The following RSAD2 variants were observed in gnomAD, a reference collection of about 807,000 sequenced individuals.
RSAD2 encodes the protein S-adenosylmethionine-dependent nucleotide dehydratase RSAD2.
In RSAD2, 38 loss-of-function variants were observed where a neutral mutation model predicts 37.7. The ratio of observed to expected loss-of-function variants is 1.01; its 90% CI spans 0.78 to 1.32. The LOEUF is 1.32. Among genes scored for constraint, RSAD2 ranks in the 40% most tolerant of loss-of-function variants. RSAD2 has a pLI of 0.00. For synonymous variants in RSAD2, 163 were observed against 157.4 expected (o/e 1.04, Z -0.27); for missense variants, 428 against 437.5 (o/e 0.98, Z 0.19).
upstream of RSAD2, among the ~76,000 whole-genome samples, chr2:6,874,186 C>G (rs905892390): frequency 6.6e-6 from 1 of 152,054 alleles, no homozygotes; most frequent in Admixed American, 6.6e-5. Context: ...ATCTTCTCCC[C>G]CTTTTCCTTC....
At chr2:6,886,713 A>G (rs1663528991) in intron 2 of RSAD2, among the ~76,000 whole-genome samples, 1 of 152,244 alleles carries the variant, frequency 6.6e-6, no homozygotes, top group African/African-American at 2.4e-5. Context: ...GAGTTTTCAA[A>G]TAATCAACTA....
intron 5 of RSAD2, among the ~76,000 whole-genome samples, 164 bp from the exon 6 acceptor site, chr2:6,895,614 A>G (rs1298887406): frequency 6.6e-6 from 1 of 152,242 alleles, no homozygotes; most frequent in Non-Finnish European, 1.5e-5. Context: ...GAGCTGGTTG[A>G]GTAGAGAGAT....
upstream of RSAD2, chr2:6,877,083 T>A (rs1663295239): frequency 6.6e-6 from 1 of 152,230 alleles, no homozygotes. Context: ...AAATGATGTG[T>A]CGCAGTAATT....
At chr2:6,866,821 G>GTTT (rs61044752) in intron 1 of RSAD2, among the ~76,000 whole-genome samples, 3 of 149,536 alleles carry the variant, frequency 2.0e-5, no homozygotes, top group Non-Finnish European at 4.5e-5. Context: ...GCTGAAAGCA[G>GTTT]TTTTTTTTTT....
Position 6,883,390 on chromosome 2 carries a change from T to C in RSAD2, c.366T>C (p.Phe122=). ...LKEAGMEKIN[F]SGGEPFLQDR... Reference sequence around the variant, plus strand: ...GCACAGGTATGGAGAAGATCAACTTTTCAGGTGGAGAGCCATTTCTTCAAG... The same window carrying C: ...GCACAGGTATGGAGAAGATCAACTTCTCAGGTGGAGAGCCATTTCTTCAAG... Residue 122 remains phenylalanine, a synonymous_variant, in exon 2 of 6, where the codon TTT becomes TTC. Coordinates refer to ENST00000382040, the MANE Select transcript of RSAD2 (RefSeq NM_080657.5). 2 of 1,614,212 alleles carry C rather than the reference T, an allele frequency of 1.2e-6. No homozygotes were observed. Among genetic ancestry groups the C allele is most frequent in the Non-Finnish European group, 1.7e-6 (2 of 1,180,044 alleles).
At chr2:6,885,366 A>C (rs921426566) in intron 2 of RSAD2, among the ~76,000 whole-genome samples, 2 of 152,216 alleles carry the variant, frequency 1.3e-5, no homozygotes, top group African/African-American at 4.8e-5. Flanking sequence ...ATTGGAACTG[A>C]AACTCAGGAC....
intron 1 of RSAD2, among the ~76,000 whole-genome samples, chr2:6,869,911 C>T (rs1468431530): frequency 6.6e-6 from 1 of 152,200 alleles, no homozygotes; most frequent in Non-Finnish European, 1.5e-5. Flanking sequence ...AAAGCCCACC[C>T]TTTCTAACTT....
rs978324770 is a variant in RSAD2, at chr2:6,893,709, T to C, written c.921+6T>C. On this transcript the variant is annotated splice_donor_region_variant and intron_variant, in intron 5 of 5. Coordinates refer to ENST00000382040, the MANE Select transcript of RSAD2 (RefSeq NM_080657.5). Reference sequence around the variant, plus strand: ...ACCTTATTCTGGATGAATATGTGAGTATTTCCAATGAGTTATAAAATTAAA... The same window carrying C: ...ACCTTATTCTGGATGAATATGTGAGCATTTCCAATGAGTTATAAAATTAAA... 6.3e-7 allele frequency: 1 copy of C among 1,583,148 alleles called. No homozygotes were observed. Among genetic ancestry groups the C allele is most frequent in the Non-Finnish European group, 8.7e-7 (1 of 1,152,458 alleles).
chr2:6,880,183 A>G (rs940964520), intron 1 of RSAD2, among the ~76,000 whole-genome samples: 1 of 152,332 alleles, frequency 6.6e-6, no homozygotes, highest in East Asian at 1.9e-4. Context: ...ATTTCTAGAT[A>G]ATGGAGGAAA....
At position 6,883,489 on chromosome 2, in the gene RSAD2, G is replaced by A. The variant is rs747348742; in HGVS notation, c.465G>A (p.Val155=). The change falls in exon 2 of 6, where the codon GTG becomes GTA. Residue 155 remains valine (V), a synonymous_variant. Coordinates refer to ENST00000382040, the MANE Select transcript of RSAD2 (RefSeq NM_080657.5). ...VELRLPSVSI[V]SNGSLIRERW... ...TGCGGCTGCCCAGCGTGAGCATCGTGAGCAATGGAAGCCTGATCCGGGAGA... is the reference window on the plus strand; with the variant it reads ...TGCGGCTGCCCAGCGTGAGCATCGTAAGCAATGGAAGCCTGATCCGGGAGA... 1.2e-6 allele frequency: 2 copies of A among 1,614,184 alleles called. No individual in the cohort carries two copies. Among genetic ancestry groups the A allele is most frequent in the South Asian group, 2.2e-5 (2 of 91,072 alleles).
upstream of RSAD2, among the ~76,000 whole-genome samples, chr2:6,873,855 GTTATAT>G (rs1333154415): frequency 6.6e-6 from 1 of 152,126 alleles, no homozygotes; most frequent in African/African-American, 2.4e-5. Flanking sequence ...CTCCCTTTAA[GTTATAT>G]TTATATAAAT....
intron 3 of RSAD2, among the ~76,000 whole-genome samples, chr2:6,889,051 T>C (rs893796789): frequency 6.6e-6 from 1 of 152,198 alleles, no homozygotes; most frequent in African/African-American, 2.4e-5. Flanking sequence ...TTGTTCCCCT[T>C]CCAGCTCCTA....
intron 1 of RSAD2, among the ~76,000 whole-genome samples, chr2:6,871,215 CTG>C (rs1663199086): frequency 6.6e-6 from 1 of 152,242 alleles, no homozygotes; most frequent in African/African-American, 2.4e-5. Context: ...AACACCAAAG[CTG>C]TAGAAACAAC....
chr2:6,883,904 A>C lies in RSAD2; in HGVS notation c.508+372A>C, dbSNP rs147628987. 3.1e-3 allele frequency: 549 copies of C among 178,432 alleles called. 4 individuals carry two copies. Among genetic ancestry groups the C allele is most frequent in the African/African-American group, 0.012 (519 of 42,142 alleles). 11.1% of individuals were successfully genotyped at this position (178,432 alleles called of 1,614,324 possible). On this transcript the variant is annotated intron_variant, in intron 2 of 5. Transcript: ENST00000382040. ...TGGGACTGGACTGGATCCATGACTA[A>C]TTTTATCAGAACCTCGTGGTGTGTG...
chr2:6,888,845 C>G (rs1284337740), intron 3 of RSAD2, among the ~76,000 whole-genome samples: 4 of 152,190 alleles, frequency 2.6e-5, no homozygotes, highest in African/African-American at 9.6e-5. Flanking sequence ...CACTCAGAAC[C>G]TAGTTTCCTG....
At chr2:6,895,052 A>G (rs1485820150) in intron 5 of RSAD2, among the ~76,000 whole-genome samples, 1 of 152,242 alleles carries the variant, frequency 6.6e-6, no homozygotes, top group Non-Finnish European at 1.5e-5. Flanking sequence ...GTATTACTTG[A>G]GCTCCTATGA....
At chr2:6,881,049 T>C (rs1463815156) in intron 1 of RSAD2, among the ~76,000 whole-genome samples, 1 of 152,178 alleles carries the variant, frequency 6.6e-6, no homozygotes, top group Admixed American at 6.6e-5. Flanking sequence ...ATTATGCCTC[T>C]AAATTCTATT....
intron 3 of RSAD2, among the ~76,000 whole-genome samples, chr2:6,888,773 T>C (rs1286512201): frequency 6.6e-6 from 1 of 152,172 alleles, no homozygotes; most frequent in Admixed American, 6.5e-5. Context: ...TATGCAGGCT[T>C]CCAATTGATG....
intron 3 of RSAD2, among the ~76,000 whole-genome samples, chr2:6,887,803 G>T (rs894496844): frequency 2.0e-5 from 3 of 152,212 alleles, no homozygotes; most frequent in Non-Finnish European, 4.4e-5. Flanking sequence ...CTGCTGCCCT[G>T]AAACAGGGCC....
Sources: allele counts gnomAD v4.1 joint callset (sites outside exome capture counted in the v4.1 genomes callset), GRCh38; gene constraint gnomAD v4.1.1; transcripts MANE v1.5; gene names NCBI Gene and HGNC (gene_info 2026-07-23, HGNC 2026-07-21).